Variants in PRRC2C observed in about 807,000 individuals in gnomAD.
PRRC2C encodes protein PRRC2C.
In PRRC2C, 72 loss-of-function variants were observed where a neutral mutation model predicts 317.2. The ratio of observed to expected loss-of-function variants is 0.23; its 90% confidence interval spans 0.19 to 0.28. PRRC2C has a LOEUF of 0.28. PRRC2C is among the 10% of genes least tolerant of loss of function. PRRC2C has a pLI of 1.00. For missense variants in PRRC2C, 3,074 were observed against 3,459.7 expected (o/e 0.89, Z 2.80); for synonymous variants, 1,296 against 1,205.9 (o/e 1.07, Z -1.55).
At chr1:171,560,951 G>A (rs1455789238) in intron 19 of PRRC2C, 67 bp from the exon 20 acceptor site, 1 of 1,283,740 alleles carries the variant, frequency 7.8e-7, no homozygotes, top group Non-Finnish European at 1.1e-6. Flanking sequence ...TAAGGAAAGG[G>A]TTAAATGGGT....
intron 17 of PRRC2C, among the ~76,000 whole-genome samples, chr1:171,547,997 G>T (rs968638585): frequency 4.6e-5 from 7 of 151,536 alleles, no homozygotes; most frequent in African/African-American, 1.7e-4. Context: ...GTAATGTCTC[G>T]CCCTGTCACC....
At chr1:171,542,354 T>C (rs1678097927) in intron 16 of PRRC2C, 125 bp downstream of exon 16, 1 of 902,912 alleles carries the variant, frequency 1.1e-6, no homozygotes, top group Admixed American at 3.1e-5. Context: ...TCTTCCCAAA[T>C]GCTTTATTCT....
At chr1:171,512,570 GGTGT>G (rs141739183) in intron 2 of PRRC2C, 43 of 251,570 alleles carry the variant, frequency 1.7e-4, no homozygotes, top group Non-Finnish European at 2.4e-4. Context: ...CGTGTGTGGG[GGTGT>G]GTGTGTGTGT....
chr1:171,586,021 T>G (rs1649827532), intron 30 of PRRC2C, among the ~76,000 whole-genome samples: 1 of 151,234 alleles, frequency 6.6e-6, no homozygotes, highest in South Asian at 2.1e-4. Flanking sequence ...ACAGAAGTTC[T>G]GACCTCACTT....
In PRRC2C at chr1:171,554,924, C is replaced by T. The variant is rs527426546; in HGVS notation, c.5128-2316C>T. ...TTCCTTCATTTCAACCTTGGTGAAT[C>T]TGACAATTATGTGTCTTGGGGTTAC... On this transcript the variant is annotated intron_variant, in intron 18 of 34. Coordinates refer to ENST00000647382, the MANE Select transcript of PRRC2C (RefSeq NM_001387844.1). Among the ~76,000 whole-genome samples, 29 of 152,310 alleles carry T rather than the reference C, an allele frequency of 1.9e-4. No individual in the cohort carries two copies. In the East Asian group the frequency reaches 5.4e-3, roughly 28 times the overall value.
chr1:171,566,460 G>A, intron 21 of PRRC2C, 39 bp downstream of exon 21: 1 of 1,516,852 alleles, frequency 6.6e-7, no homozygotes, highest in East Asian at 2.5e-5. Flanking sequence ...TTTTATGAAG[G>A]CCACTGACAT....
chr1:171,575,415 C>A (rs1417618445), intron 25 of PRRC2C, among the ~76,000 whole-genome samples: 1 of 152,150 alleles, frequency 6.6e-6, no homozygotes, highest in Non-Finnish European at 1.5e-5. Context: ...GAGAATCACA[C>A]CTCTTTTAAA....
In PRRC2C at chr1:171,540,884, C is replaced by T. The variant is rs537467429; in HGVS notation, c.3418C>T (p.Pro1140Ser). 5.6e-6 allele frequency: 9 copies of T among 1,613,614 alleles called. No homozygotes were observed. Among genetic ancestry groups the T allele is most frequent in the Non-Finnish European group, 7.6e-6 (9 of 1,179,776 alleles). ...AAPVVKEEKQ[P>S]EKVISKDLVI... ...ACCAGTAGTCAAAGAAGAAAAACAA[C>T]CTGAGAAAGTCATCAGCAAAGACCT... Residue 1140 changes from proline (P) to serine (S), a missense_variant, in exon 16 of 35, where the codon CCT (proline) becomes TCT (serine). Around this residue, in one of 11 missense-constraint regions of PRRC2C, gnomAD observed 1,320 missense variants for 1,395.7 expected, o/e 0.95. Coordinates refer to ENST00000647382, the MANE Select transcript of PRRC2C (RefSeq NM_001387844.1).
chr1:171,537,338 A>C lies in PRRC2C; in HGVS notation c.2369A>C (p.His790Pro). Residue 790 changes from histidine to proline, a missense_variant, in exon 15 of 35, where the codon CAT (histidine) becomes CCT (proline). Coordinates refer to ENST00000647382, the MANE Select transcript of PRRC2C (RefSeq NM_001387844.1). The part of the protein sequence containing the change: ...GSPNSSESFE[H>P]IARSARDHAI... ...CCGAACAGTTCTGAGTCATTTGAGCATATAGCTCGATCTGCAAGAGATCAC... is the reference window on the plus strand; with the variant it reads ...CCGAACAGTTCTGAGTCATTTGAGCCTATAGCTCGATCTGCAAGAGATCAC... The C allele has an allele frequency of 1.3e-6, 2 of 1,597,490 alleles. No individual in the cohort carries two copies. Among genetic ancestry groups the C allele is most frequent in the Non-Finnish European group, 1.7e-6 (2 of 1,171,262 alleles).
At chr1:171,588,257 A>G in intron 32 of PRRC2C, 122 bp from the exon 33 acceptor site, 2 of 1,104,204 alleles carry the variant, frequency 1.8e-6, no homozygotes, top group Middle Eastern at 2.6e-4. Flanking sequence ...TTTGGTAATC[A>G]TCATAGTAAA....
chr1:171,549,980 C>T, intron 17 of PRRC2C, 106 bp from the exon 18 acceptor site: 1 of 864,462 alleles, frequency 1.2e-6, no homozygotes, highest in Non-Finnish European at 1.6e-6. Flanking sequence ...GGAACTAGGC[C>T]TTTGGCTAGT....
intron 26 of PRRC2C, among the ~76,000 whole-genome samples, 185 bp downstream of exon 26, chr1:171,577,822 G>A (rs1306146364): frequency 7.7e-6 from 1 of 129,508 alleles, no homozygotes; most frequent in Non-Finnish European, 1.5e-5. Flanking sequence ...CTGTTGCCCA[G>A]GCTGGATTGC....
rs1256852119 is a variant in PRRC2C at position 171,550,135 on chromosome 1, C to T, written c.5022C>T (p.Pro1674=). The part of the protein sequence containing the change: ...DHPEVTVIED[P]QSNLNDDGFT... ...CTGAAGTAACAGTAATTGAAGATCCCCAGTCAAATTTGAATGATGATGGTT... is the reference window on the plus strand; with the variant it reads ...CTGAAGTAACAGTAATTGAAGATCCTCAGTCAAATTTGAATGATGATGGTT... Residue 1674 remains proline, a synonymous_variant, in exon 18 of 35, where the codon CCC becomes CCT. Transcript: ENST00000647382. The T allele has an allele frequency of 6.2e-7, 1 of 1,607,612 alleles. No homozygotes were observed. Among genetic ancestry groups the T allele is most frequent in the Admixed American group, 1.7e-5 (1 of 59,416 alleles).
intron 10 of PRRC2C, among the ~76,000 whole-genome samples, chr1:171,526,716 A>G (rs1310000098): frequency 2.0e-5 from 3 of 151,708 alleles, no homozygotes; most frequent in Non-Finnish European, 4.4e-5. Context: ...TAATCTTGTA[A>G]TGAGTGATAT....
intron 19 of PRRC2C, among the ~76,000 whole-genome samples, 178 bp from the exon 20 acceptor site, chr1:171,560,840 C>T (rs1682543592): frequency 6.6e-6 from 1 of 152,152 alleles, no homozygotes; most frequent in African/African-American, 2.4e-5. Flanking sequence ...CACAATGTTT[C>T]TGGGGTATGC....
At chr1:171,517,952 A>G (rs1459388172) in intron 6 of PRRC2C, 138 bp downstream of exon 6, 1 of 687,912 alleles carries the variant, frequency 1.5e-6, no homozygotes, top group Non-Finnish European at 2.4e-6. Context: ...CTTTTATTGT[A>G]TGGTATATTG....
At chr1:171,559,355 T>C (rs1468333108) in intron 19 of PRRC2C, among the ~76,000 whole-genome samples, 1 of 152,162 alleles carries the variant, frequency 6.6e-6, no homozygotes, top group African/African-American at 2.4e-5. Context: ...CTAATGTATC[T>C]GATGACTTGA....
chr1:171,578,486 A>G (rs1647714154), intron 26 of PRRC2C, among the ~76,000 whole-genome samples: 4 of 152,136 alleles, frequency 2.6e-5, no homozygotes, highest in Non-Finnish European at 5.9e-5. Context: ...CCAGGTGATA[A>G]TCATGCCACT....
At chr1:171,572,147 A>T (rs1450594888) in intron 24 of PRRC2C, among the ~76,000 whole-genome samples, 3 of 151,942 alleles carry the variant, frequency 2.0e-5, no homozygotes, top group African/African-American at 7.3e-5. Flanking sequence ...GGTTTTTTTT[A>T]ATTTAAAAAA....
Sources: gnomAD v4.1 joint callset for allele counts (sites outside exome capture counted in the v4.1 genomes callset) on GRCh38, gnomAD v4.1.1 for gene constraint, gnomAD v4.1.1 regional missense constraint, MANE v1.5 for transcripts, NCBI Gene and HGNC (gene_info 2026-07-23, HGNC 2026-07-21) for gene names.